The following MYO9A variants were observed in gnomAD, a reference collection of about 807,000 sequenced individuals.
The protein encoded by MYO9A is myosin IXA, also known as unconventional myosin-IXa.
Under a neutral mutation model 293.3 loss-of-function variants are expected in MYO9A, and 103 were observed. That is an observed-to-expected ratio of 0.35 (90% CI 0.30 to 0.41). The LOEUF (loss-of-function observed/expected upper bound fraction) is 0.41. Ranked by LOEUF, MYO9A falls within the 10% of genes least tolerant of loss-of-function variation. The probability of loss-of-function intolerance (pLI) is 1.00; values close to 1 mark genes in which losing one functional copy is unlikely to be tolerated. For missense variants in MYO9A, 2,685 were observed against 3,033.0 expected, an observed-to-expected ratio of 0.89 and a Z score of 2.69; for synonymous variants, 1,001 against 1,035.7, an observed-to-expected ratio of 0.97 and a Z score of 0.64.
chr15:71,854,269 T>A, intron 35 of MYO9A, 108 bp downstream of exon 35: 1 of 924,358 alleles, frequency 1.1e-6, no homozygotes, highest in Non-Finnish European at 1.5e-6. Flanking sequence ...AAGAATGCAT[T>A]CTTCTGGCTG....
intron 39 of MYO9A, among the ~76,000 whole-genome samples, chr15:71,840,005 C>G (rs1029769182): frequency 6.6e-6 from 1 of 152,112 alleles, no homozygotes; most frequent in African/African-American, 2.4e-5. Flanking sequence ...GCTCAGGACC[C>G]CTGGAAACCT....
intron 39 of MYO9A, among the ~76,000 whole-genome samples, chr15:71,832,267 A>G (rs1452473834): frequency 6.6e-6 from 1 of 152,154 alleles, no homozygotes; most frequent in Non-Finnish European, 1.5e-5. Context: ...ATATCAGGAC[A>G]AGAGAGAGAT....
At position 72,008,437 on chromosome 15, in the gene MYO9A, GT is replaced by G. The variant is rs1345600877; in HGVS notation, c.1254-486del. 4.6e-3 allele frequency among the ~76,000 whole-genome samples: 113 copies of G among 24,400 alleles called. No individual in the cohort carries two copies. The African/African-American group carries it at 0.053, about 11-fold the overall frequency. 16.0% of individuals were successfully genotyped at this position (24,400 alleles called of 152,430 possible). On this transcript the variant is annotated intron_variant, in intron 7 of 41. Coordinates refer to ENST00000356056, the MANE Select transcript of MYO9A (RefSeq NM_006901.4). Reference sequence around the variant, plus strand: ...ATAGTATGGTGTTTGAGGTAAATGGGTGTGTGTGTGTGTGTGTGTGTGTGTG... The same window carrying G: ...ATAGTATGGTGTTTGAGGTAAATGGGGTGTGTGTGTGTGTGTGTGTGTGTG...
intron 7 of MYO9A, among the ~76,000 whole-genome samples, chr15:72,008,579 C>T (rs927941515): frequency 6.6e-6 from 1 of 151,442 alleles, no homozygotes; most frequent in African/African-American, 2.4e-5. Flanking sequence ...ATGGACCCTC[C>T]GTTATAAATT....
At chr15:72,068,036 T>C (rs2079073249) in intron 1 of MYO9A, among the ~76,000 whole-genome samples, 1 of 152,212 alleles carries the variant, frequency 6.6e-6, no homozygotes, top group Non-Finnish European at 1.5e-5. Flanking sequence ...TTAGTAATTA[T>C]AAATGATTTT....
At chr15:71,999,514 G>A (rs986389672) in intron 9 of MYO9A, among the ~76,000 whole-genome samples, 1 of 152,096 alleles carries the variant, frequency 6.6e-6, no homozygotes, top group Non-Finnish European at 1.5e-5. Flanking sequence ...TGTGCTAGAA[G>A]AAACTGTCTC....
intron 39 of MYO9A, among the ~76,000 whole-genome samples, chr15:71,841,471 C>T (rs1015508549): frequency 9.9e-5 from 15 of 152,024 alleles, no homozygotes; most frequent in Non-Finnish European, 1.8e-4. Context: ...GAGGATAATA[C>T]GATTTTTCTC....
intron 15 of MYO9A, among the ~76,000 whole-genome samples, chr15:71,941,321 A>G (rs2058768355): frequency 6.6e-6 from 1 of 152,034 alleles, no homozygotes; most frequent in African/African-American, 2.4e-5. Flanking sequence ...TGTAATCCCA[A>G]CTACTCAGGA....
At chr15:72,088,688 A>G (rs879566315) in intron 1 of MYO9A, among the ~76,000 whole-genome samples, 4 of 152,194 alleles carry the variant, frequency 2.6e-5, no homozygotes, top group Non-Finnish European at 5.9e-5. Flanking sequence ...AGTCAGTAAA[A>G]AATATATATA....
intron 11 of MYO9A, among the ~76,000 whole-genome samples, chr15:71,984,913 C>T (rs1173211060): frequency 6.6e-6 from 1 of 151,952 alleles, no homozygotes; most frequent in Non-Finnish European, 1.5e-5. Context: ...TCTCATTTCT[C>T]TTGGGATATT....
intron 18 of MYO9A, among the ~76,000 whole-genome samples, chr15:71,930,399 T>C (rs143560456): frequency 2.0e-4 from 30 of 152,336 alleles, no homozygotes; most frequent in African/African-American, 6.7e-4. Context: ...GGTGCATATA[T>C]ATTTAAAATT....
intron 2 of MYO9A, chr15:72,041,568 T>C (rs1180957281): frequency 2.9e-6 from 1 of 339,866 alleles, no homozygotes; most frequent in African/African-American, 2.2e-5. Context: ...CATCATGAAG[T>C]CACTTTTCCG....
At chr15:71,927,047 GCCA>G (rs1271896423) in intron 18 of MYO9A, among the ~76,000 whole-genome samples, 38 of 152,216 alleles carry the variant, frequency 2.5e-4, no homozygotes, top group Middle Eastern at 3.4e-3. Context: ...CAAGAGTGGG[GCCA>G]CCAAGTGGGC....
intron 1 of MYO9A, among the ~76,000 whole-genome samples, chr15:72,081,912 A>G (rs185149985): frequency 2.0e-5 from 3 of 152,242 alleles, no homozygotes; most frequent in African/African-American, 7.2e-5. Flanking sequence ...TTGTCCCAGT[A>G]CCATGCTGTT....
At chr15:72,112,460 C>T (rs2080814637) in intron 1 of MYO9A, among the ~76,000 whole-genome samples, 1 of 152,186 alleles carries the variant, frequency 6.6e-6, no homozygotes, top group South Asian at 2.1e-4. Context: ...AATTCATAGG[C>T]CATTTTCAGC....
At chr15:72,040,165 G>T (rs983764448) in intron 2 of MYO9A, 1 of 152,678 alleles carries the variant, frequency 6.5e-6, no homozygotes, top group African/African-American at 2.4e-5. Flanking sequence ...CTTTTGCTGG[G>T]AGCCCGTAGA....
intron 27 of MYO9A, among the ~76,000 whole-genome samples, chr15:71,884,205 CTTTG>C (rs765021367): frequency 3.3e-5 from 5 of 152,022 alleles, no homozygotes; most frequent in East Asian, 1.9e-4. Flanking sequence ...ATTAGTTTAC[CTTTG>C]TTTGTCATTT....
intron 7 of MYO9A, 69 bp from the exon 8 acceptor site, chr15:72,008,021 C>T: frequency 4.6e-6 from 7 of 1,521,874 alleles, no homozygotes; most frequent in Non-Finnish European, 6.2e-6. Context: ...TTCTAAAATT[C>T]TAGTTAAGCA....
Position 72,015,010 on chromosome 15 carries a change from A to ATTT in MYO9A, c.1155+4026_1155+4028dup, listed in dbSNP as rs34039364. Among the ~76,000 whole-genome samples, 17 of 134,654 alleles carry ATTT rather than the reference A, an allele frequency of 1.3e-4. 1 individual carries two copies. Among genetic ancestry groups the ATTT allele is most frequent in the African/African-American group, 2.7e-4 (10 of 36,568 alleles). 88.3% of individuals were successfully genotyped at this position (134,654 alleles called of 152,430 possible). On this transcript the variant is annotated intron_variant, in intron 6 of 41. Coordinates refer to ENST00000356056, the MANE Select transcript of MYO9A (RefSeq NM_006901.4). The stretch of plus-strand genomic sequence containing the variant: ...AGGCACGTATCACCACGCCCTGCTA[A>ATTT]TTTTTTTTTTTTTTTTTTGGTAGAG...
Sources: allele counts gnomAD v4.1 joint callset (sites outside exome capture counted in the v4.1 genomes callset), GRCh38; gene constraint gnomAD v4.1.1; transcripts MANE v1.5; gene names NCBI Gene and HGNC (gene_info 2026-07-23, HGNC 2026-07-21).